VPS13D: variants seen among roughly 807,000 people sequenced by gnomAD.
VPS13D encodes intermembrane lipid transfer protein VPS13D.
Under a neutral mutation model 461.9 loss-of-function variants are expected in VPS13D, and 187 were observed. The observed-to-expected ratio is 0.40, with a 90% CI of 0.36 to 0.46. VPS13D has a LOEUF of 0.46. VPS13D is among the 20% of genes least tolerant of loss of function. VPS13D has a pLI of 0.60. For synonymous variants in VPS13D, 1,951 were observed against 1,986.3 expected, an observed-to-expected ratio of 0.98 and a Z score of 0.47; for missense variants, 4,711 against 5,364.9, an observed-to-expected ratio of 0.88 and a Z score of 3.81.
chr1:12,427,298 A>G (rs1644935927), intron 65 of VPS13D, among the ~76,000 whole-genome samples: 1 of 148,652 alleles, frequency 6.7e-6, no homozygotes, highest in Admixed American at 6.7e-5. Flanking sequence ...TTACCATTTT[A>G]TGGATGAAGA....
intron 65 of VPS13D, among the ~76,000 whole-genome samples, chr1:12,451,749 A>G (rs1645264714): frequency 6.6e-6 from 1 of 152,242 alleles, no homozygotes; most frequent in Non-Finnish European, 1.5e-5. Context: ...GGGATATGCC[A>G]TGCCAGATGC....
Position 12,302,243 on chromosome 1 carries a change from C to T in VPS13D, c.6217-2263C>T, listed in dbSNP as rs549854975. 3.9e-5 allele frequency among the ~76,000 whole-genome samples: 6 copies of T among 152,292 alleles called. No homozygotes were observed. The East Asian group carries it at 9.6e-4, about 24-fold the overall frequency. ...GACTGAAATGGCATTATGCGGTGCA[C>T]AACTGTATTTATTTGTGGTAAATCT... On this transcript the variant is annotated intron_variant, in intron 25 of 69. Transcript: ENST00000620676.
At chr1:12,432,776 G>A (rs1032025969) in intron 65 of VPS13D, among the ~76,000 whole-genome samples, 2 of 151,634 alleles carry the variant, frequency 1.3e-5, no homozygotes, top group Non-Finnish European at 2.9e-5. Flanking sequence ...TTTTTTTCTC[G>A]TAGAGATGGG....
chr1:12,246,402 A>G (rs1338056398), intron 5 of VPS13D, among the ~76,000 whole-genome samples: 4 of 152,164 alleles, frequency 2.6e-5, no homozygotes, highest in Non-Finnish European at 1.5e-5. Context: ...TGCCCACATG[A>G]TACTCAAAGG....
At chr1:12,284,239 C>T (rs539901157) in intron 21 of VPS13D, among the ~76,000 whole-genome samples, 2 of 152,186 alleles carry the variant, frequency 1.3e-5, no homozygotes, top group South Asian at 2.1e-4. Context: ...TTCACTGTAC[C>T]CATATAGCTA....
rs1645323613 is a variant in VPS13D, at chr1:12,456,142, G to C, written c.12466+12G>C. 2.5e-6 allele frequency: 4 copies of C among 1,605,182 alleles called. No homozygotes were observed. The highest frequency in any genetic ancestry group is 3.4e-6 in the Non-Finnish European group (4 of 1,176,860). The stretch of plus-strand genomic sequence containing the variant: ...TGGCCTGGCTCATGGTAAGTCATGG[G>C]TGACATCAGGCTCTGCTGCTGCTGG... On this transcript the variant is annotated intron_variant, in intron 66 of 69. Transcript: ENST00000620676.
intron 46 of VPS13D, among the ~76,000 whole-genome samples, chr1:12,352,794 T>C (rs761819281): frequency 1.2e-4 from 18 of 151,152 alleles, no homozygotes; most frequent in Non-Finnish European, 2.4e-4. Context: ...TAAAACCCCG[T>C]CTCTACTAAA....
rs745432405 is a variant in VPS13D, at chr1:12,510,211, C to G, written c.*1187C>G. 8 of 152,184 alleles carry G rather than the reference C, an allele frequency of 5.3e-5. No individual in the cohort carries two copies. The highest frequency in any genetic ancestry group is 8.8e-5 in the Non-Finnish European group (6 of 68,036). 9.4% of individuals were successfully genotyped at this position (152,184 alleles called of 1,614,324 possible). On this transcript the variant is annotated 3_prime_UTR_variant, in exon 70 of 70. Transcript: ENST00000620676. Reference sequence around the variant, plus strand: ...TTTAAATTCCTGCTGGGAGCAAGGCCTGGTATGAGCGCCCTGGGTCTTGTT... The same window carrying G: ...TTTAAATTCCTGCTGGGAGCAAGGCGTGGTATGAGCGCCCTGGGTCTTGTT...
intron 25 of VPS13D, among the ~76,000 whole-genome samples, chr1:12,304,045 GA>G: frequency 6.6e-6 from 1 of 152,304 alleles, no homozygotes; most frequent in East Asian, 1.9e-4. Flanking sequence ...GTAAACCCAT[GA>G]GGGGAGACAT....
rs1485192725 is a variant in VPS13D, at chr1:12,256,378, C to T, written c.715C>T (p.Leu239=). 1 of 1,614,116 alleles carries T rather than the reference C, an allele frequency of 6.2e-7. No individual in the cohort carries two copies. Among genetic ancestry groups the T allele is most frequent in the Non-Finnish European group, 8.5e-7 (1 of 1,180,024 alleles). Residue 239 remains leucine, a synonymous_variant, in exon 8 of 70, where the codon CTG becomes TTG. Coordinates refer to ENST00000620676, the MANE Select transcript of VPS13D (RefSeq NM_015378.4). Reference sequence around the variant, plus strand: ...GGAGAGTCGCAGCCATCACTACGTCCTGGAGCCTGTGTTTGCATCTGCTCT... The same window carrying T: ...GGAGAGTCGCAGCCATCACTACGTCTTGGAGCCTGTGTTTGCATCTGCTCT... ...SMESRSHHYV[L]EPVFASALLK...
At position 12,400,311 on chromosome 1, in the gene VPS13D, C is replaced by A. The variant is rs1294321480; in HGVS notation, c.11765C>A (p.Ala3922Glu). The change falls in exon 61 of 70, where the codon GCA becomes GAA. Residue 3922 changes from alanine to glutamate, a missense_variant. Ala to Glu is a moderately radical substitution (Grantham distance 107). Around this residue, in one of 3 missense-constraint regions of VPS13D, gnomAD observed 4,411 missense variants for 4,937.8 expected, o/e 0.89. Coordinates refer to ENST00000620676, the MANE Select transcript of VPS13D (RefSeq NM_015378.4). ...GCAGTGAAGTTCCCCAGTAAGAGTG[C>A]ACTGACCAACATCTACAAGGTGGGC... Reference protein sequence around the residue: ...VNAVKFPSKSALTNIYKHLMI... With the variant: ...VNAVKFPSKSELTNIYKHLMI... The A allele has an allele frequency of 6.2e-7, 1 of 1,614,128 alleles. No homozygotes were observed. The highest frequency in any genetic ancestry group is 1.1e-5 in the South Asian group (1 of 91,072).
chr1:12,250,276 C>G (rs1640693159), intron 6 of VPS13D, among the ~76,000 whole-genome samples: 1 of 152,198 alleles, frequency 6.6e-6, no homozygotes, highest in South Asian at 2.1e-4. Flanking sequence ...AGGCCCAACC[C>G]TCTAATTACT....
In VPS13D at chr1:12,386,869, G is replaced by A. The variant is rs139173001; in HGVS notation, c.11634+535G>A. On this transcript the variant is annotated intron_variant, in intron 60 of 69. Transcript: ENST00000620676. Reference sequence around the variant, plus strand: ...TTGCCTTTCTTACCAATTTGAGAACGTTTCCAGGGAGGGGAGACCAAGCAA... The same window carrying A: ...TTGCCTTTCTTACCAATTTGAGAACATTTCCAGGGAGGGGAGACCAAGCAA... Among the ~76,000 whole-genome samples, 296 of 152,250 alleles carry A rather than the reference G, an allele frequency of 1.9e-3. 1 individual carries two copies. The highest frequency in any genetic ancestry group is 3.4e-3 in the Non-Finnish European group (229 of 68,016).
chr1:12,362,806 T>A lies in VPS13D; in HGVS notation c.10228T>A (p.Ser3410Thr). The A allele has an allele frequency of 6.2e-7, 1 of 1,614,230 alleles. No individual in the cohort carries two copies. The highest frequency in any genetic ancestry group is 1.3e-5 in the African/African-American group (1 of 75,066). Residue 3410 changes from serine (S) to threonine (T), a missense_variant, in exon 51 of 70, where the codon TCT becomes ACT. By Grantham distance (58) the Ser-to-Thr change is moderately conservative. Coordinates refer to ENST00000620676, the MANE Select transcript of VPS13D (RefSeq NM_015378.4). ...CCGTTACCTGTTAGATAATAAATCATCTCACAAGCTTGCATTTGCACAGAG... is the reference window on the plus strand; with the variant it reads ...CCGTTACCTGTTAGATAATAAATCAACTCACAAGCTTGCATTTGCACAGAG... The part of the protein sequence containing the change: ...APRYLLDNKS[S>T]HKLAFAQREF...
chr1:12,464,190 G>A (rs1645450455), intron 67 of VPS13D, among the ~76,000 whole-genome samples: 1 of 152,106 alleles, frequency 6.6e-6, no homozygotes, highest in Non-Finnish European at 1.5e-5. Flanking sequence ...CAGGATCCAG[G>A]GGTGTTACTC....
chr1:12,334,828 G>GT (rs146772245), intron 38 of VPS13D, among the ~76,000 whole-genome samples: 97 of 152,178 alleles, frequency 6.4e-4, no homozygotes, highest in Admixed American at 2.2e-3. Flanking sequence ...AATTTGTTTT[G>GT]TTTTTTTCAC....
At position 12,505,465 on chromosome 1, in the gene VPS13D, C is replaced by A. The variant is rs538546746; in HGVS notation, c.12795-1388C>A. Among the ~76,000 whole-genome samples, 66 of 152,294 alleles carry A rather than the reference C, an allele frequency of 4.3e-4. No homozygotes were observed. Among genetic ancestry groups the A allele is most frequent in the African/African-American group, 1.3e-3 (54 of 41,558 alleles). ...GCATTGCCAACCAGTTAGAATAGAA[C>A]AATAAATCCCAGTTTTTGTCATGGG... On this transcript the variant is annotated intron_variant, in intron 68 of 69. Transcript: ENST00000620676. The surrounding 1 kb of genome is among the most constrained non-coding windows in gnomAD (Gnocchi z 4.2).
intron 13 of VPS13D, among the ~76,000 whole-genome samples, chr1:12,263,935 T>C (rs1641190688): frequency 6.6e-6 from 1 of 152,240 alleles, no homozygotes; most frequent in African/African-American, 2.4e-5. Context: ...TTTTACAAAT[T>C]GACAGTTTAA....
chr1:12,325,861 T>G (rs897113600), intron 35 of VPS13D, among the ~76,000 whole-genome samples: 4 of 152,134 alleles, frequency 2.6e-5, no homozygotes, highest in African/African-American at 9.7e-5. Context: ...TAGTAAACAT[T>G]TTTTGGTGTG....
Sources: allele counts gnomAD v4.1 joint callset (sites outside exome capture counted in the v4.1 genomes callset), GRCh38; gene constraint gnomAD v4.1.1; regional missense constraint gnomAD v4.1.1; non-coding constraint Gnocchi (gnomAD v3.1); transcripts MANE v1.5; gene names NCBI Gene and HGNC (gene_info 2026-07-23, HGNC 2026-07-21).